KDM4C: variants seen among roughly 807,000 people sequenced by gnomAD.
The protein encoded by KDM4C is lysine-specific demethylase 4C.
In KDM4C, 81 loss-of-function variants were observed where a neutral mutation model predicts 129.3. The observed-to-expected ratio is 0.63, with a 90% CI of 0.52 to 0.75. KDM4C has a LOEUF of 0.75. Ranked by LOEUF, KDM4C falls within the 30% of genes least tolerant of loss-of-function variation. The pLI is 0.00. For missense variants in KDM4C, 1,457 were observed against 1,304.0 expected (o/e 1.12, Z -1.81); for synonymous variants, 573 against 456.1 (o/e 1.26, Z -3.26).
At chr9:7,054,075 G>C (rs527496974) in intron 17 of KDM4C, among the ~76,000 whole-genome samples, 1 of 152,308 alleles carries the variant, frequency 6.6e-6, no homozygotes, top group Admixed American at 6.5e-5. Context: ...TATCCTTGTG[G>C]CAAGTCCTAT....
chr9:6,827,017 G>T (rs141549519), intron 4 of KDM4C, among the ~76,000 whole-genome samples: 3 of 152,220 alleles, frequency 2.0e-5, no homozygotes, highest in South Asian at 2.1e-4. Flanking sequence ...GTGTTGGTCA[G>T]TGTGGGGCAG....
intron 19 of KDM4C, among the ~76,000 whole-genome samples, chr9:7,149,330 C>T (rs142343157): frequency 1.8e-4 from 28 of 152,296 alleles, no homozygotes; most frequent in East Asian, 1.2e-3. Flanking sequence ...ATACCAGGAG[C>T]GGGGAGAAGC....
At chr9:6,906,782 G>A (rs1818402296) in intron 8 of KDM4C, among the ~76,000 whole-genome samples, 1 of 151,748 alleles carries the variant, frequency 6.6e-6, no homozygotes, top group Non-Finnish European at 1.5e-5. Flanking sequence ...TACTAAAAGT[G>A]TTTGGCATTA....
At position 6,855,454 on chromosome 9, in the gene KDM4C, G is replaced by A. The variant is rs139015852; in HGVS notation, c.629+5754G>A. Among the ~76,000 whole-genome samples the A allele has an allele frequency of 6.2e-3, 442 of 71,066 alleles. 1 individual carries two copies. The highest frequency in any genetic ancestry group is 0.027 in the African/African-American group (424 of 15,648). 46.6% of individuals were successfully genotyped at this position (71,066 alleles called of 152,430 possible). Reference sequence around the variant, plus strand: ...AGCCTGGGGAACACAGTGAGACTCCGTCTCAAAAAAAAAAAAAAAAAAAAA... The same window carrying A: ...AGCCTGGGGAACACAGTGAGACTCCATCTCAAAAAAAAAAAAAAAAAAAAA... On this transcript the variant is annotated intron_variant, in intron 5 of 21. Transcript: ENST00000381309.
chr9:7,100,154 T>C (rs1467270947), intron 17 of KDM4C, among the ~76,000 whole-genome samples: 1 of 152,148 alleles, frequency 6.6e-6, no homozygotes, highest in African/African-American at 2.4e-5. Flanking sequence ...CCCAACACTT[T>C]GGAAGGCCAA....
At position 6,888,856 on chromosome 9, in the gene KDM4C, C is replaced by T. The variant is rs1256662084; in HGVS notation, c.783+793C>T. 1.4e-4 allele frequency among the ~76,000 whole-genome samples: 4 copies of T among 28,750 alleles called. 1 individual carries two copies. The highest frequency in any genetic ancestry group is 2.6e-4 in the African/African-American group (1 of 3,806). 18.9% of individuals were successfully genotyped at this position (28,750 alleles called of 152,430 possible). On this transcript the variant is annotated intron_variant, in intron 7 of 21. Coordinates refer to ENST00000381309, the MANE Select transcript of KDM4C (RefSeq NM_015061.6). ...AGGCTGGAGTGCAGTGGCGGGATCT[C>T]GGCTCACTGCAAGCTCCGCCTCCCG... is the stretch of plus-strand genomic sequence containing the variant.
At chr9:6,812,507 C>G (rs1244121874) in intron 3 of KDM4C, among the ~76,000 whole-genome samples, 2 of 152,080 alleles carry the variant, frequency 1.3e-5, no homozygotes, top group Non-Finnish European at 2.9e-5. Flanking sequence ...GGTCCTACCT[C>G]AGATCATCAG....
At chr9:7,051,820 T>C (rs1358171125) in intron 17 of KDM4C, among the ~76,000 whole-genome samples, 1 of 152,198 alleles carries the variant, frequency 6.6e-6, no homozygotes, top group African/African-American at 2.4e-5. Flanking sequence ...TCACTTGTCT[T>C]GCCATGTAGT....
intron 1 of KDM4C, among the ~76,000 whole-genome samples, chr9:6,792,591 G>C (rs1229595653): frequency 1.3e-5 from 2 of 152,074 alleles, no homozygotes; most frequent in African/African-American, 4.8e-5. Flanking sequence ...GTTTCACCAT[G>C]TTGGCTAGTC....
chr9:6,808,816 A>G (rs1414834172), intron 3 of KDM4C, among the ~76,000 whole-genome samples: 3 of 152,008 alleles, frequency 2.0e-5, no homozygotes, highest in African/African-American at 7.2e-5. Flanking sequence ...TACTTCTTGA[A>G]GGGAGGAGTG....
chr9:7,098,441 T>C (rs759771222), intron 17 of KDM4C, among the ~76,000 whole-genome samples: 5 of 152,244 alleles, frequency 3.3e-5, no homozygotes, highest in Non-Finnish European at 5.9e-5. Flanking sequence ...GCCATTTATT[T>C]TAATGCTCTG....
intron 15 of KDM4C, among the ~76,000 whole-genome samples, chr9:7,025,314 A>G (rs1825628852): frequency 6.6e-6 from 1 of 152,092 alleles, no homozygotes; most frequent in South Asian, 2.1e-4. Flanking sequence ...TTATCCATTC[A>G]GAGCCACTCT....
intron 8 of KDM4C, chr9:6,978,774 A>G (rs375467376): frequency 6.6e-6 from 1 of 152,170 alleles, no homozygotes; most frequent in Non-Finnish European, 1.5e-5. Context: ...TTCTGCTGAC[A>G]TGGTTGATTG....
chr9:6,967,635 G>T (rs569645705), intron 8 of KDM4C, among the ~76,000 whole-genome samples: 1 of 152,194 alleles, frequency 6.6e-6, no homozygotes, highest in African/African-American at 2.4e-5. Context: ...CAGGCAGGGG[G>T]CTCACCTGCA....
chr9:6,850,478 C>G (rs532052509), intron 5 of KDM4C, among the ~76,000 whole-genome samples: 1 of 152,114 alleles, frequency 6.6e-6, no homozygotes, highest in East Asian at 1.9e-4. Context: ...TGAAGTCTTG[C>G]TCTGTCGCCC....
At chr9:6,845,729 G>A (rs942432343) in intron 4 of KDM4C, among the ~76,000 whole-genome samples, 2 of 152,184 alleles carry the variant, frequency 1.3e-5, no homozygotes, top group African/African-American at 2.4e-5. Flanking sequence ...GAAAGGGGCC[G>A]GGGCACGTAG....
At chr9:7,094,911 C>G (rs983585809) in intron 17 of KDM4C, among the ~76,000 whole-genome samples, 1 of 152,136 alleles carries the variant, frequency 6.6e-6, no homozygotes, top group Non-Finnish European at 1.5e-5. Context: ...TAATAAGGGT[C>G]AGATGCACTC....
chr9:7,151,686 A>T (rs1842743290), intron 19 of KDM4C, among the ~76,000 whole-genome samples: 1 of 152,194 alleles, frequency 6.6e-6, no homozygotes, highest in East Asian at 1.9e-4. Flanking sequence ...TGTCAAAACT[A>T]TTAAAAAGGG....
intron 4 of KDM4C, among the ~76,000 whole-genome samples, chr9:6,816,406 C>T (rs192607187): frequency 1.2e-4 from 18 of 151,858 alleles, no homozygotes; most frequent in African/African-American, 4.3e-4. Context: ...CTATAGGCTC[C>T]CCTTTTCCTC....
Sources: gnomAD v4.1 joint callset for allele counts (sites outside exome capture counted in the v4.1 genomes callset) on GRCh38, gnomAD v4.1.1 for gene constraint, MANE v1.5 for transcripts, NCBI Gene and HGNC (gene_info 2026-07-23, HGNC 2026-07-21) for gene names.